PREX1: variants seen among roughly 807,000 people sequenced by gnomAD.
PREX1 encodes the protein phosphatidylinositol-3,4,5-trisphosphate dependent Rac exchange factor 1.
A neutral mutation model predicts 198.3 loss-of-function variants in PREX1; 41 were observed. The observed-to-expected ratio is 0.21, with a 90% CI of 0.16 to 0.27. The LOEUF (loss-of-function observed/expected upper bound fraction) is 0.27. Among genes scored for constraint, PREX1 ranks in the 10% least tolerant of loss-of-function variants. The pLI is 1.00. For missense variants in PREX1, 1,620 were observed against 2,200.7 expected (o/e 0.74, Z 5.28); for synonymous variants, 843 against 887.2 (o/e 0.95, Z 0.89).
intron 15 of PREX1, among the ~76,000 whole-genome samples, chr20:48,663,741 C>T (rs1036471770): frequency 1.3e-5 from 2 of 152,238 alleles, no homozygotes; most frequent in African/African-American, 2.4e-5. Context: ...CTTCTTGTGG[C>T]TCAGGGTTTT....
At chr20:48,767,636 A>G (rs1045224017) in intron 1 of PREX1, among the ~76,000 whole-genome samples, 1 of 152,168 alleles carries the variant, frequency 6.6e-6, no homozygotes, top group Non-Finnish European at 1.5e-5. Context: ...TCGACGTAAA[A>G]GCAGCCCTCT....
chr20:48,626,422 A>T (rs1342401611), intron 39 of PREX1, among the ~76,000 whole-genome samples: 8 of 152,250 alleles, frequency 5.3e-5, no homozygotes, highest in Non-Finnish European at 1.2e-4. Flanking sequence ...TGGGTTCAGA[A>T]TCCCAGCTTT....
Position 48,771,826 on chromosome 20 carries a change from G to A in PREX1, c.220-23946C>T, listed in dbSNP as rs191960780. On this transcript the variant is annotated intron_variant, in intron 1 of 39. Transcript: ENST00000371941. The stretch of plus-strand genomic sequence containing the variant: ...CCCTGTGGGCAGGGTGTGATGCCAC[G>A]CACTAGCATAGAAGAAGCATTCAGC... Among the ~76,000 whole-genome samples the A allele has an allele frequency of 1.8e-4, 28 of 152,196 alleles. No homozygotes were observed. The South Asian group carries it at 2.1e-3, about 11-fold the overall frequency.
At chr20:48,869,159 G>A in the PREX1 span, among the ~76,000 whole-genome samples, 1 of 152,112 alleles carries the variant, frequency 6.6e-6, no homozygotes, top group Non-Finnish European at 1.5e-5. Context: ...ACAGGTGTGA[G>A]CCACCATACC....
Position 48,771,500 on chromosome 20 carries a change from G to A in PREX1, c.220-23620C>T, listed in dbSNP as rs188799628. On this transcript the variant is annotated intron_variant, in intron 1 of 39. Transcript: ENST00000371941. ...AAGGCAACAAGTTCTAGCCGGGCGT[G>A]GTGGCTCACGCCTGTAATCCCAACA... 2.4e-4 allele frequency among the ~76,000 whole-genome samples: 37 copies of A among 152,176 alleles called. 1 individual carries two copies. The East Asian group carries it at 5.6e-3, about 23-fold the overall frequency.
chr20:48,795,736 T>C (rs1317597781), intron 1 of PREX1, among the ~76,000 whole-genome samples: 1 of 151,908 alleles, frequency 6.6e-6, no homozygotes, highest in Non-Finnish European at 1.5e-5. Context: ...TAAAACAACA[T>C]AAAAAGATTA....
chr20:48,627,083 A>G (rs537486303), intron 39 of PREX1, among the ~76,000 whole-genome samples: 2 of 152,240 alleles, frequency 1.3e-5, no homozygotes, highest in African/African-American at 2.4e-5. Context: ...GCTGCTGTTC[A>G]GTTCGCATTT....
chr20:48,824,164 C>T (rs372259281), intron 1 of PREX1, among the ~76,000 whole-genome samples: 95 of 152,238 alleles, frequency 6.2e-4, no homozygotes, highest in African/African-American at 2.1e-3. Context: ...CCCCCAAGAC[C>T]GATCCAGCAT....
intron 27 of PREX1, 28 bp from the exon 28 acceptor site, chr20:48,642,517 C>G: frequency 6.3e-7 from 1 of 1,581,230 alleles, no homozygotes; most frequent in Non-Finnish European, 8.7e-7. Context: ...CAGCAGCCAT[C>G]AGTCATTCCT....
chr20:48,832,204 C>G (rs964090016), upstream of PREX1, among the ~76,000 whole-genome samples: 24 of 151,986 alleles, frequency 1.6e-4, no homozygotes, highest in African/African-American at 5.3e-4. Context: ...TTAGAGTTTC[C>G]GTTGCCATGT....
chr20:48,644,610 G>A lies in PREX1; in HGVS notation c.3513-113C>T, dbSNP rs953956558. On this transcript the variant is annotated intron_variant, in intron 26 of 39. Transcript: ENST00000371941. ...ACAAAACCCCTGGGCCCTCAGGTGG[G>A]CGTGCAGCCCAGAGAGGGCACCGAG... The A allele has an allele frequency of 2.1e-5, 20 of 932,990 alleles. 1 individual carries two copies. The Admixed American group carries it at 4.0e-4, about 18-fold the overall frequency. The allele number at this position is 932,990 out of a possible 1,614,324, so 57.8% of individuals were successfully genotyped here.
At chr20:48,807,307 T>G (rs1403817727) in intron 1 of PREX1, among the ~76,000 whole-genome samples, 2 of 150,924 alleles carry the variant, frequency 1.3e-5, no homozygotes, top group Non-Finnish European at 3.0e-5. Flanking sequence ...CTTTTTTGTG[T>G]TTTTTTTTCT....
chr20:48,657,260 C>A, intron 17 of PREX1, 72 bp from the exon 18 acceptor site: 1 of 1,532,462 alleles, frequency 6.5e-7, no homozygotes, highest in South Asian at 1.2e-5. Context: ...CAAGGAAGCT[C>A]AAATGTGTTC....
At chr20:48,731,001 G>A (rs1333032798) in intron 4 of PREX1, among the ~76,000 whole-genome samples, 2 of 152,054 alleles carry the variant, frequency 1.3e-5, no homozygotes, top group Admixed American at 6.5e-5. Flanking sequence ...ATCTCAAAAA[G>A]CAAAAACAAA....
At chr20:48,812,010 G>A (rs2090438626) in intron 1 of PREX1, among the ~76,000 whole-genome samples, 1 of 152,186 alleles carries the variant, frequency 6.6e-6, no homozygotes, top group South Asian at 2.1e-4. Context: ...TCCCCTTCCT[G>A]AAAAGCGAGA....
chr20:48,818,292 C>A (rs2090467455), intron 1 of PREX1, among the ~76,000 whole-genome samples: 1 of 152,110 alleles, frequency 6.6e-6, no homozygotes, highest in African/African-American at 2.4e-5. Flanking sequence ...ACCACCGAAT[C>A]GTACAGTTTG....
chr20:48,768,024 T>A (rs903601924), intron 1 of PREX1, among the ~76,000 whole-genome samples: 4 of 152,208 alleles, frequency 2.6e-5, no homozygotes, highest in Non-Finnish European at 5.9e-5. Flanking sequence ...GGTGAGGGTC[T>A]CTGGCTGCTT....
Position 48,657,082 on chromosome 20 carries a change from G to A in PREX1, c.2081C>T (p.Ser694Phe), listed in dbSNP as rs1378474170. 6 of 1,608,276 alleles carry A rather than the reference G, an allele frequency of 3.7e-6. No homozygotes were observed. In the African/African-American group the frequency reaches 5.3e-5, roughly 14 times the overall value. The change falls in exon 18 of 40, where the codon TCC becomes TTC. Residue 694 changes from serine (S) to phenylalanine (F), a missense_variant. Physicochemically the swap from Ser to Phe is radical, Grantham distance 155. This residue lies in a region of PREX1 where 514 missense variants were observed against 611.6 expected (regional missense o/e 0.84). Transcript: ENST00000371941. ...VESILNQSFC[S>F]RRPLRLLVAT... is the part of the protein sequence containing the mutation. ...CACCAGGAGGCGCAGAGGGCGGCGG[G>A]AGCAGAAGGACTGGTTGAGGATGGA... is the stretch of plus-strand genomic sequence containing the variant.
chr20:48,806,957 G>C (rs532894105), intron 1 of PREX1, among the ~76,000 whole-genome samples: 1 of 152,160 alleles, frequency 6.6e-6, no homozygotes, highest in Non-Finnish European at 1.5e-5. Flanking sequence ...ACAGTTCAAA[G>C]GAATCCGATA....
Sources: allele counts gnomAD v4.1 joint callset (sites outside exome capture counted in the v4.1 genomes callset), GRCh38; gene constraint gnomAD v4.1.1; regional missense constraint gnomAD v4.1.1; transcripts MANE v1.5; gene names NCBI Gene and HGNC (gene_info 2026-07-23, HGNC 2026-07-21).